KCNH1: variants seen among roughly 807,000 people sequenced by gnomAD.
KCNH1 encodes potassium voltage-gated channel subfamily H member 1, also known as voltage-gated delayed rectifier potassium channel KCNH1.
In KCNH1, 27 loss-of-function variants were observed where a neutral mutation model predicts 69.2. The observed-to-expected ratio is 0.39, with a 90% CI of 0.29 to 0.54. The LOEUF is 0.54. Among genes scored for constraint, KCNH1 ranks in the 20% least tolerant of loss-of-function variants. The probability of loss-of-function intolerance (pLI) is 0.68; values close to 1 mark genes in which losing one functional copy is unlikely to be tolerated. For missense variants in KCNH1, 798 were observed against 1,261.6 expected, an observed-to-expected ratio of 0.63 and a Z score of 5.57; for synonymous variants, 456 against 487.7, an observed-to-expected ratio of 0.93 and a Z score of 0.86.
intron 7 of KCNH1, among the ~76,000 whole-genome samples, chr1:210,847,769 G>A (rs992941132): frequency 6.7e-6 from 1 of 150,350 alleles, no homozygotes; most frequent in African/African-American, 2.4e-5. Flanking sequence ...TAAAAATAAA[G>A]ATATAATTGA....
In KCNH1 at chr1:210,683,744, C is replaced by T; in HGVS notation, c.2507G>A (p.Ser836Asn). 2.5e-6 allele frequency: 4 copies of T among 1,614,170 alleles called. No individual in the cohort carries two copies. Among genetic ancestry groups the T allele is most frequent in the Non-Finnish European group, 3.4e-6 (4 of 1,180,052 alleles). The change falls in exon 11 of 11, where the codon AGC becomes AAC. Residue 836 changes from serine to asparagine, a missense_variant. Transcript: ENST00000271751. The surrounding 1 kb of genome is among the most constrained non-coding windows in gnomAD (Gnocchi z 5.7). ...GCAAGCATCTTTGAAGCGGGCCCAG[C>T]TTTTGCGCTTGGCACAATCGCCCCC... ...GGGGDCAKRK[S>N]WARFKDACGK...
At chr1:210,963,187 TG>T (rs1209218347) in intron 6 of KCNH1, among the ~76,000 whole-genome samples, 3 of 150,246 alleles carry the variant, frequency 2.0e-5, no homozygotes, top group Non-Finnish European at 4.5e-5. Flanking sequence ...AACCCTCTAC[TG>T]GGGCCTGACT....
intron 6 of KCNH1, among the ~76,000 whole-genome samples, chr1:210,922,980 T>C (rs1687497565): frequency 6.6e-6 from 1 of 152,218 alleles, no homozygotes; most frequent in Admixed American, 6.5e-5. Flanking sequence ...TGCCTTGCCA[T>C]TTTTTCCTTA....
chr1:210,846,575 T>G (rs1369171316), intron 7 of KCNH1, among the ~76,000 whole-genome samples: 1 of 152,130 alleles, frequency 6.6e-6, no homozygotes, highest in Non-Finnish European at 1.5e-5. Context: ...ACACAAAAAT[T>G]AATTCAAGAT....
chr1:211,116,563 C>A (rs61848607), intron 1 of KCNH1, among the ~76,000 whole-genome samples: 6,603 of 152,230 alleles, frequency 0.043, 232 homozygotes, highest in Non-Finnish European at 0.072. Context: ...GGGGTGAATT[C>A]TTTTGTCCCC....
chr1:211,019,514 C>G (rs1036047224), intron 5 of KCNH1, among the ~76,000 whole-genome samples: 1 of 152,198 alleles, frequency 6.6e-6, no homozygotes. Flanking sequence ...TTCTATTACA[C>G]CTTTGTGTAA....
chr1:211,033,567 C>T (rs1480664776), intron 5 of KCNH1, among the ~76,000 whole-genome samples: 3 of 152,170 alleles, frequency 2.0e-5, no homozygotes, highest in Non-Finnish European at 4.4e-5. Context: ...ATATACACCA[C>T]GGAATACTAT....
chr1:210,693,393 A>C (rs1681565397), intron 10 of KCNH1, among the ~76,000 whole-genome samples: 1 of 152,028 alleles, frequency 6.6e-6, no homozygotes, highest in Non-Finnish European at 1.5e-5. Flanking sequence ...GTTCTTCTTC[A>C]GTGCAGGTGA....
chr1:210,800,459 G>A (rs1239346933), intron 8 of KCNH1, among the ~76,000 whole-genome samples: 1 of 152,180 alleles, frequency 6.6e-6, no homozygotes, highest in Admixed American at 6.5e-5. Context: ...CCCTGGAAGA[G>A]GCTGCTAGTG....
At chr1:211,061,000 C>T (rs1038343430) in intron 5 of KCNH1, among the ~76,000 whole-genome samples, 16 of 152,066 alleles carry the variant, frequency 1.1e-4, no homozygotes, top group African/African-American at 3.9e-4. Flanking sequence ...GACAAAGATA[C>T]ATCAAAAAAA....
At chr1:211,017,658 T>C (rs1392422871) in intron 6 of KCNH1, among the ~76,000 whole-genome samples, 3 of 152,184 alleles carry the variant, frequency 2.0e-5, no homozygotes, top group African/African-American at 7.2e-5. Flanking sequence ...ATCCTCACTG[T>C]TTCAAAGAAA....
At chr1:210,906,070 G>A (rs148370341) in intron 7 of KCNH1, among the ~76,000 whole-genome samples, 21 of 152,314 alleles carry the variant, frequency 1.4e-4, no homozygotes, top group African/African-American at 3.4e-4. Flanking sequence ...GACAAGGGGC[G>A]TGGCACATGC....
chr1:211,051,390 T>A (rs774972332), intron 5 of KCNH1, among the ~76,000 whole-genome samples: 48 of 151,632 alleles, frequency 3.2e-4, no homozygotes, highest in Non-Finnish European at 5.6e-4. Flanking sequence ...ACACTCAAAG[T>A]AGAAAGTGCA....
chr1:210,975,655 A>T (rs1688593967), intron 6 of KCNH1, among the ~76,000 whole-genome samples: 1 of 152,222 alleles, frequency 6.6e-6, no homozygotes, highest in Non-Finnish European at 1.5e-5. Context: ...CTCTAGAAGA[A>T]AACCTAGGCA....
At chr1:210,896,743 A>C (rs548116409) in intron 7 of KCNH1, among the ~76,000 whole-genome samples, 1 of 152,332 alleles carries the variant, frequency 6.6e-6, no homozygotes, top group South Asian at 2.1e-4. Flanking sequence ...CAAAGAAAGA[A>C]GAAAAGGTTG....
chr1:211,122,753 A>C (rs1406705423), intron 1 of KCNH1, among the ~76,000 whole-genome samples: 1 of 152,164 alleles, frequency 6.6e-6, no homozygotes, highest in Non-Finnish European at 1.5e-5. Context: ...GCATGTTCTC[A>C]CTCATAAGTG....
chr1:210,728,605 G>A (rs1682667550), intron 10 of KCNH1, among the ~76,000 whole-genome samples: 1 of 152,178 alleles, frequency 6.6e-6, no homozygotes, highest in Admixed American at 6.5e-5. Context: ...TTTGAGGTAT[G>A]TGTGCAGAGG....
intron 6 of KCNH1, among the ~76,000 whole-genome samples, chr1:210,945,983 G>T (rs888240428): frequency 5.3e-5 from 8 of 152,160 alleles, no homozygotes; most frequent in African/African-American, 1.7e-4. Context: ...TGTACACACT[G>T]TCTTGGCAGG....
intron 7 of KCNH1, among the ~76,000 whole-genome samples, chr1:210,830,455 T>A (rs561998058): frequency 6.6e-6 from 1 of 152,090 alleles, no homozygotes; most frequent in Non-Finnish European, 1.5e-5. Flanking sequence ...AAGCACAGGG[T>A]GGGGGTTGGA....
Sources: gnomAD v4.1 joint callset for allele counts (sites outside exome capture counted in the v4.1 genomes callset) on GRCh38, gnomAD v4.1.1 for gene constraint, Gnocchi (gnomAD v3.1) non-coding constraint, MANE v1.5 for transcripts, NCBI Gene and HGNC (gene_info 2026-07-23, HGNC 2026-07-21) for gene names.